Variants in NOX4 observed in about 807,000 individuals in gnomAD.
NOX4 encodes the protein kidney oxidase-1.
A neutral mutation model predicts 87.6 loss-of-function variants in NOX4; 69 were observed. That is an observed-to-expected ratio of 0.79 (90% CI 0.65 to 0.96). The LOEUF (loss-of-function observed/expected upper bound fraction) is 0.96. Ranked by LOEUF, NOX4 falls within the 40% of genes least tolerant of loss-of-function variation. The probability of loss-of-function intolerance (pLI) is 0.00; values close to 1 mark genes in which losing one functional copy is unlikely to be tolerated. For synonymous variants in NOX4, 275 were observed against 238.2 expected (o/e 1.15, Z -1.42); for missense variants, 680 against 681.5 (o/e 1.00, Z 0.02).
chr11:89,548,786 T>C, the NOX4 span: 22 of 152,292 alleles, frequency 1.4e-4, no homozygotes, highest in African/African-American at 5.3e-4. Flanking sequence ...ATAGGTGAAA[T>C]GGTATCTGCA....
intron 2 of NOX4, among the ~76,000 whole-genome samples, chr11:89,458,913 T>TA (rs1460833733): frequency 6.6e-6 from 1 of 152,088 alleles, no homozygotes; most frequent in African/African-American, 2.4e-5. Flanking sequence ...TCAACGAAAT[T>TA]AAAACCAAAC....
chr11:89,564,315 T>A, the NOX4 span, among the ~76,000 whole-genome samples: 9 of 151,264 alleles, frequency 5.9e-5, no homozygotes, highest in Admixed American at 5.3e-4. Context: ...GATGGAGGGG[T>A]GAAGTGAAAG....
At chr11:89,542,692 G>A in the NOX4 span, among the ~76,000 whole-genome samples, 1 of 152,002 alleles carries the variant, frequency 6.6e-6, no homozygotes, top group Non-Finnish European at 1.5e-5. Flanking sequence ...TCACTGCCTG[G>A]AACAAGGACA....
upstream of NOX4, chr11:89,491,379 A>G: frequency 1.2e-6 from 1 of 811,770 alleles, no homozygotes; most frequent in Non-Finnish European, 1.8e-6. Context: ...ACTGAGTGGA[A>G]GCCCGAAGGC....
chr11:89,431,581 C>G (rs943455539), intron 7 of NOX4, among the ~76,000 whole-genome samples: 5 of 152,106 alleles, frequency 3.3e-5, no homozygotes, highest in African/African-American at 1.2e-4. Flanking sequence ...ATTTATGCAG[C>G]CAAAAGACAC....
At chr11:89,417,634 TAAG>T (rs1263193519) in intron 8 of NOX4, among the ~76,000 whole-genome samples, 1 of 152,144 alleles carries the variant, frequency 6.6e-6, no homozygotes, top group Admixed American at 6.6e-5. Flanking sequence ...ACTTTGTTGA[TAAG>T]AAAATCTGGG....
At chr11:89,494,546 T>C (rs939582623), upstream of NOX4, among the ~76,000 whole-genome samples, 1 of 152,228 alleles carries the variant, frequency 6.6e-6, no homozygotes, top group African/African-American at 2.4e-5. Flanking sequence ...AGCACATAGC[T>C]TGACACATAG....
At chr11:89,374,069 CT>C (rs1444735490) in intron 11 of NOX4, among the ~76,000 whole-genome samples, 2 of 151,920 alleles carry the variant, frequency 1.3e-5, no homozygotes, top group Admixed American at 6.6e-5. Flanking sequence ...AAAAAAAGTG[CT>C]TTATGGTCCC....
At chr11:89,580,163 T>C in the NOX4 span, among the ~76,000 whole-genome samples, 1 of 152,102 alleles carries the variant, frequency 6.6e-6, no homozygotes, top group Non-Finnish European at 1.5e-5. Flanking sequence ...AATAATTTTG[T>C]TATTTGAAAA....
chr11:89,433,685 C>T (rs1254194632), intron 6 of NOX4, among the ~76,000 whole-genome samples: 2 of 152,046 alleles, frequency 1.3e-5, no homozygotes, highest in Non-Finnish European at 2.9e-5. Context: ...TTTAAAAATA[C>T]TTGCAGACAT....
chr11:89,579,975 CAA>C, the NOX4 span, among the ~76,000 whole-genome samples: 4 of 151,154 alleles, frequency 2.6e-5, no homozygotes, highest in African/African-American at 9.7e-5. Flanking sequence ...ATAAAATTTC[CAA>C]AGACTATAAG....
the NOX4 span, among the ~76,000 whole-genome samples, chr11:89,514,723 A>G: frequency 1.3e-5 from 2 of 151,902 alleles, no homozygotes; most frequent in Admixed American, 6.6e-5. Flanking sequence ...TGTGTCTCCT[A>G]TGATGATCAT....
intron 2 of NOX4, among the ~76,000 whole-genome samples, chr11:89,458,908 G>A (rs965694105): frequency 2.0e-5 from 3 of 152,094 alleles, no homozygotes; most frequent in South Asian, 2.1e-4. Flanking sequence ...ATTTCTCAAC[G>A]AAATTAAAAC....
intron 2 of NOX4, among the ~76,000 whole-genome samples, chr11:89,487,012 A>G (rs1946653801): frequency 1.3e-5 from 2 of 152,252 alleles, no homozygotes; most frequent in South Asian, 4.1e-4. Flanking sequence ...AAAACTTTAA[A>G]TTATATATAT....
At chr11:89,458,487 C>CT (rs1458020913) in intron 2 of NOX4, among the ~76,000 whole-genome samples, 2 of 152,094 alleles carry the variant, frequency 1.3e-5, no homozygotes, top group Non-Finnish European at 2.9e-5. Flanking sequence ...TAAGTAGCTT[C>CT]TGTACAACAA....
intron 11 of NOX4, among the ~76,000 whole-genome samples, chr11:89,395,440 C>T (rs539292343): frequency 8.7e-4 from 132 of 152,186 alleles, no homozygotes; most frequent in African/African-American, 3.0e-3. Context: ...AAATTTTCTC[C>T]CATTCTGTAG....
At chr11:89,429,729 AC>A (rs1479239090) in intron 7 of NOX4, among the ~76,000 whole-genome samples, 3 of 149,714 alleles carry the variant, frequency 2.0e-5, no homozygotes, top group African/African-American at 7.7e-5. Flanking sequence ...TAGCCTACCA[AC>A]CAAAAAAGGA....
At chr11:89,330,593 T>C (rs1945426699) in intron 17 of NOX4, among the ~76,000 whole-genome samples, 1 of 148,214 alleles carries the variant, frequency 6.7e-6, no homozygotes, top group Non-Finnish European at 1.5e-5. Flanking sequence ...AGGAATCCAG[T>C]TCAGGAACCA....
At chr11:89,409,122 C>T (rs1371039164) in intron 8 of NOX4, among the ~76,000 whole-genome samples, 1 of 152,104 alleles carries the variant, frequency 6.6e-6, no homozygotes, top group Non-Finnish European at 1.5e-5. Flanking sequence ...GCATCCATTA[C>T]TTCTTAGTAT....
Sources: allele counts gnomAD v4.1 joint callset (sites outside exome capture counted in the v4.1 genomes callset), GRCh38; gene constraint gnomAD v4.1.1; transcripts MANE v1.5; gene names NCBI Gene and HGNC (gene_info 2026-07-23, HGNC 2026-07-21).